Variants in XPNPEP3 observed in about 807,000 individuals in gnomAD.
The protein encoded by XPNPEP3 is xaa-Pro aminopeptidase 3.
Under a neutral mutation model 60.0 loss-of-function variants are expected in XPNPEP3, and 41 were observed. The ratio of observed to expected loss-of-function variants is 0.68; its 90% confidence interval spans 0.53 to 0.89. The LOEUF (loss-of-function observed/expected upper bound fraction) is 0.89, where lower values mean the gene tolerates loss of function less well. Ranked by LOEUF, XPNPEP3 falls within the 40% of genes least tolerant of loss-of-function variation. XPNPEP3 has a pLI of 0.00. For missense variants in XPNPEP3, 598 were observed against 638.9 expected, an observed-to-expected ratio of 0.94 and a Z score of 0.69; for synonymous variants, 212 against 223.2, an observed-to-expected ratio of 0.95 and a Z score of 0.45.
intron 7 of XPNPEP3, among the ~76,000 whole-genome samples, chr22:40,915,548 T>A (rs1230277184): frequency 6.8e-6 from 1 of 148,016 alleles, no homozygotes; most frequent in Non-Finnish European, 1.5e-5. Flanking sequence ...TGAGACTCTA[T>A]CTGAAAAAAA....
At chr22:40,870,192 T>C in intron 2 of XPNPEP3, 1 of 384,820 alleles carries the variant, frequency 2.6e-6, no homozygotes, top group East Asian at 8.8e-5. Flanking sequence ...ATCTACCCTA[T>C]CAACCTACCT....
chr22:40,923,465 C>T (rs1332582103), intron 8 of XPNPEP3, among the ~76,000 whole-genome samples: 1 of 151,888 alleles, frequency 6.6e-6, no homozygotes, highest in African/African-American at 2.4e-5. Context: ...CTCCTACCTA[C>T]AAGTTAAGCC....
At chr22:40,881,653 A>C in intron 2 of XPNPEP3, 117 bp from the exon 3 acceptor site, 1 of 1,194,770 alleles carries the variant, frequency 8.4e-7, no homozygotes, top group East Asian at 2.5e-5. Flanking sequence ...ATGTGCTGTG[A>C]GGAGATTTGG....
chr22:40,883,947 G>A (rs1601500247), intron 3 of XPNPEP3, among the ~76,000 whole-genome samples: 1 of 152,034 alleles, frequency 6.6e-6, no homozygotes, highest in East Asian at 1.9e-4. Flanking sequence ...TTTCTTACAT[G>A]GGTTACAAAT....
intron 2 of XPNPEP3, among the ~76,000 whole-genome samples, chr22:40,871,524 C>T (rs780844778): frequency 4.6e-5 from 7 of 152,198 alleles, no homozygotes; most frequent in Admixed American, 3.3e-4. Flanking sequence ...CTAATTATTA[C>T]GCAAGTTCTA....
At position 40,928,296 on chromosome 22, in the gene XPNPEP3, A is replaced by T. The variant is rs974934180; in HGVS notation, c.*1861A>T. On this transcript the variant is annotated 3_prime_UTR_variant, in exon 10 of 10. Transcript: ENST00000357137. ...ATCTCAGCTCACTACAACCTCCACC[A>T]CCTGGGTTCAGGCAATTCTCCTGCC... The T allele has an allele frequency of 5.5e-5, 8 of 145,068 alleles. No individual in the cohort carries two copies. Among genetic ancestry groups the T allele is most frequent in the African/African-American group, 1.8e-4 (7 of 39,156 alleles). 9.0% of individuals were successfully genotyped at this position (145,068 alleles called of 1,614,324 possible). A position where few individuals can be genotyped will look rare whatever the true frequency, so the allele number is the denominator to read the frequency against.
chr22:40,871,360 C>A (rs7291901), intron 2 of XPNPEP3, among the ~76,000 whole-genome samples: 7,956 of 151,998 alleles, frequency 0.052, 660 homozygotes, highest in African/African-American at 0.18. Context: ...CTCTCTCTCT[C>A]AAAAAAAGTC....
At position 40,868,952 on chromosome 22, in the gene XPNPEP3, C is replaced by G. The variant is rs528401926; in HGVS notation, c.65-47C>G. 4 of 1,486,646 alleles carry G rather than the reference C, an allele frequency of 2.7e-6. No individual in the cohort carries two copies. In the African/African-American group the frequency reaches 4.2e-5, roughly 15 times the overall value. The allele number at this position is 1,486,646 out of a possible 1,614,324, so 92.1% of individuals were successfully genotyped here. On this transcript the variant is annotated intron_variant, in intron 1 of 9. Transcript: ENST00000357137. ...GATAAGTGTATTTATACCATGAAGA[C>G]TTTCTAGATCTATTGTTTCATTTCA... is the stretch of plus-strand genomic sequence containing the variant.
intron 2 of XPNPEP3, among the ~76,000 whole-genome samples, chr22:40,878,520 A>G (rs1380807757): frequency 6.6e-6 from 1 of 152,106 alleles, no homozygotes; most frequent in Non-Finnish European, 1.5e-5. Flanking sequence ...ATGAGAGATA[A>G]CACATAGTTA....
intron 3 of XPNPEP3, among the ~76,000 whole-genome samples, chr22:40,884,869 T>C (rs1690445510): frequency 6.6e-6 from 1 of 151,256 alleles, no homozygotes; most frequent in African/African-American, 2.4e-5. Flanking sequence ...CTACTAAAAA[T>C]ACGAAAAAAT....
intron 2 of XPNPEP3, chr22:40,870,043 A>G: frequency 2.1e-6 from 1 of 471,014 alleles, no homozygotes; most frequent in South Asian, 1.5e-5. Flanking sequence ...CTGATTTTTC[A>G]TCAGACTCGA....
At chr22:40,864,765 C>T (rs1310404892) in intron 1 of XPNPEP3, among the ~76,000 whole-genome samples, 1 of 152,098 alleles carries the variant, frequency 6.6e-6, no homozygotes, top group East Asian at 1.9e-4. Context: ...TTTACTATAA[C>T]CTACCTGTTT....
intron 1 of XPNPEP3, among the ~76,000 whole-genome samples, chr22:40,858,163 G>A (rs968461922): frequency 6.6e-6 from 1 of 152,222 alleles, no homozygotes; most frequent in African/African-American, 2.4e-5. Context: ...CTGGAGTGCA[G>A]TGGCAATCTC....
intron 1 of XPNPEP3, among the ~76,000 whole-genome samples, 190 bp downstream of exon 1, chr22:40,857,435 T>G (rs2057908373): frequency 6.6e-6 from 1 of 152,194 alleles, no homozygotes; most frequent in East Asian, 1.9e-4. Flanking sequence ...TCTCTACCGT[T>G]GAGGTATTTT....
At chr22:40,877,093 T>G (rs2145781149) in intron 2 of XPNPEP3, among the ~76,000 whole-genome samples, 1 of 152,342 alleles carries the variant, frequency 6.6e-6, no homozygotes, top group Non-Finnish European at 1.5e-5. Context: ...TTCTTGACTT[T>G]GTGTAAGTAG....
At chr22:40,886,048 T>C (rs989477868) in intron 3 of XPNPEP3, among the ~76,000 whole-genome samples, 1 of 152,202 alleles carries the variant, frequency 6.6e-6, no homozygotes, top group African/African-American at 2.4e-5. Flanking sequence ...CGTATCATCC[T>C]TTATAAAGAA....
intron 3 of XPNPEP3, among the ~76,000 whole-genome samples, chr22:40,884,479 G>A (rs1381405903): frequency 3.3e-5 from 5 of 151,278 alleles, no homozygotes; most frequent in South Asian, 4.2e-4. Context: ...ACAGGCACGC[G>A]CCACCATGCC....
intron 2 of XPNPEP3, among the ~76,000 whole-genome samples, chr22:40,878,155 G>A (rs894241566): frequency 6.0e-5 from 9 of 150,950 alleles, no homozygotes; most frequent in Admixed American, 2.0e-4. Flanking sequence ...GCAGTGAGCC[G>A]AGATTGTGCC....
intron 1 of XPNPEP3, among the ~76,000 whole-genome samples, chr22:40,858,152 A>G (rs2057914940): frequency 6.6e-6 from 1 of 152,154 alleles, no homozygotes; most frequent in Non-Finnish European, 1.5e-5. Flanking sequence ...TGTTGCTCAG[A>G]CTGGAGTGCA....
Sources: gnomAD v4.1 joint callset for allele counts (sites outside exome capture counted in the v4.1 genomes callset) on GRCh38, gnomAD v4.1.1 for gene constraint, MANE v1.5 for transcripts, NCBI Gene and HGNC (gene_info 2026-07-23, HGNC 2026-07-21) for gene names.